Variants in GTF2IRD1 observed in about 807,000 individuals in gnomAD.
GTF2IRD1 encodes the protein GTF2I repeat domain containing 1, also known as general transcription factor II-I repeat domain-containing protein 1.
Under a neutral mutation model 113.2 loss-of-function variants are expected in GTF2IRD1, and 26 were observed. The observed-to-expected ratio is 0.23, with a 90% CI of 0.17 to 0.32. The LOEUF is 0.32. Among genes scored for constraint, GTF2IRD1 ranks in the 10% least tolerant of loss-of-function variants. The pLI is 1.00. For synonymous variants in GTF2IRD1, 484 were observed against 529.1 expected (o/e 0.91, Z 1.17); for missense variants, 864 against 1,280.8 (o/e 0.67, Z 4.97).
intron 1 of GTF2IRD1, among the ~76,000 whole-genome samples, chr7:74,494,734 A>C (rs1475952491): frequency 2.0e-5 from 3 of 152,098 alleles, no homozygotes; most frequent in African/African-American, 4.8e-5. Flanking sequence ...TTTAAAAAAA[A>C]CAAAAAACCA....
At chr7:74,535,575 G>T (rs1225359974) in intron 10 of GTF2IRD1, among the ~76,000 whole-genome samples, 3 of 152,248 alleles carry the variant, frequency 2.0e-5, no homozygotes, top group African/African-American at 7.2e-5. Context: ...TGACTCCAGA[G>T]CCCATGCAGT....
At chr7:74,461,262 G>A (rs1428879097) in intron 1 of GTF2IRD1, among the ~76,000 whole-genome samples, 3 of 152,140 alleles carry the variant, frequency 2.0e-5, no homozygotes, top group Admixed American at 6.5e-5. Flanking sequence ...GGTTGGGGAG[G>A]GTAGGTAAGC....
At chr7:74,537,920 A>G (rs1403949271) in intron 11 of GTF2IRD1, among the ~76,000 whole-genome samples, 1 of 152,066 alleles carries the variant, frequency 6.6e-6, no homozygotes, top group African/African-American at 2.4e-5. Flanking sequence ...TGGCTCGGCC[A>G]CCCCTGGAGA....
intron 8 of GTF2IRD1, among the ~76,000 whole-genome samples, chr7:74,528,654 T>G (rs1353062429): frequency 1.3e-5 from 2 of 150,100 alleles, no homozygotes; most frequent in Non-Finnish European, 3.0e-5. Flanking sequence ...CAAAGTGCTA[T>G]TTGAGCAAAC....
intron 1 of GTF2IRD1, among the ~76,000 whole-genome samples, chr7:74,455,124 T>C (rs1426596040): frequency 3.3e-5 from 5 of 152,104 alleles, no homozygotes; most frequent in African/African-American, 1.2e-4. Context: ...AGGACCAAGG[T>C]CCTGCGGTGG....
At chr7:74,565,120 A>T (rs181454385) in intron 22 of GTF2IRD1, among the ~76,000 whole-genome samples, 167 of 152,200 alleles carry the variant, frequency 1.1e-3, no homozygotes, top group Non-Finnish European at 2.2e-3. Flanking sequence ...CCTGCCCGCA[A>T]GGGGCTGAGA....
At chr7:74,469,611 C>T (rs1554331843) in intron 1 of GTF2IRD1, among the ~76,000 whole-genome samples, 1 of 152,084 alleles carries the variant, frequency 6.6e-6, no homozygotes. Flanking sequence ...GTCAATGTGC[C>T]TTTCTTTTTA....
intron 22 of GTF2IRD1, among the ~76,000 whole-genome samples, chr7:74,584,188 G>T (rs1276969905): frequency 6.6e-6 from 1 of 152,028 alleles, no homozygotes; most frequent in Non-Finnish European, 1.5e-5. Context: ...GGGTACGGTG[G>T]CTCACAGCAC....
At chr7:74,563,977 G>A (rs1328574239) in intron 22 of GTF2IRD1, among the ~76,000 whole-genome samples, 4 of 152,030 alleles carry the variant, frequency 2.6e-5, no homozygotes, top group Admixed American at 6.6e-5. Flanking sequence ...GAACCACCCC[G>A]AGAAGGTAAA....
intron 1 of GTF2IRD1, among the ~76,000 whole-genome samples, chr7:74,465,726 C>A (rs1793666611): frequency 6.6e-6 from 1 of 152,074 alleles, no homozygotes; most frequent in African/African-American, 2.4e-5. Context: ...TGGGACACAC[C>A]CCCTCTGTCC....
rs782176892 is a variant in GTF2IRD1, at chr7:74,521,291, A to C, written c.1000A>C (p.Lys334Gln). The C allele has an allele frequency of 6.2e-7, 1 of 1,605,768 alleles. No individual in the cohort carries two copies. Among genetic ancestry groups the C allele is most frequent in the South Asian group, 1.1e-5 (1 of 90,894 alleles). The change falls in exon 7 of 27, where the codon AAG becomes CAG. Residue 334 changes from lysine to glutamine, a missense_variant. Physicochemically the swap from Lys to Gln is moderately conservative, Grantham distance 53. Transcript: ENST00000424337. ...CATTCTCTTCTCCATCGTCCATGAC[A>C]AGTCAGGTAGGACAGCGCCCACGAA... is the stretch of plus-strand genomic sequence containing the variant. ...KRILFSIVHD[K>Q]SEKWDAFIKE...
At chr7:74,587,551 C>T (rs1350629977) in intron 22 of GTF2IRD1, among the ~76,000 whole-genome samples, 1 of 152,144 alleles carries the variant, frequency 6.6e-6, no homozygotes, top group Non-Finnish European at 1.5e-5. Flanking sequence ...TCTAGCTCCA[C>T]CCCACAACAT....
chr7:74,479,665 C>T (rs943520595), intron 1 of GTF2IRD1, among the ~76,000 whole-genome samples: 3 of 152,080 alleles, frequency 2.0e-5, no homozygotes, highest in East Asian at 1.9e-4. Flanking sequence ...CTGCCTCACC[C>T]GCCGTCCTGG....
At chr7:74,485,671 C>T (rs572333331) in intron 1 of GTF2IRD1, among the ~76,000 whole-genome samples, 4 of 151,962 alleles carry the variant, frequency 2.6e-5, no homozygotes, top group Non-Finnish European at 2.9e-5. Context: ...CCTATAATCC[C>T]GGCACTTTGA....
At chr7:74,591,563 A>G (rs1802065575) in intron 24 of GTF2IRD1, among the ~76,000 whole-genome samples, 1 of 151,848 alleles carries the variant, frequency 6.6e-6, no homozygotes, top group Non-Finnish European at 1.5e-5. Context: ...TTTTTTTGGT[A>G]GAGATGGAGT....
chr7:74,566,876 T>C (rs1800351251), intron 22 of GTF2IRD1, among the ~76,000 whole-genome samples: 1 of 152,106 alleles, frequency 6.6e-6, no homozygotes, highest in Admixed American at 6.5e-5. Context: ...CTGAAGTGGG[T>C]TGCAGCCACG....
rs192761590 is a variant in GTF2IRD1 at position 74,581,719 on chromosome 7, T to A, written c.2321-8132T>A. Among the ~76,000 whole-genome samples the A allele has an allele frequency of 4.5e-3, 682 of 152,242 alleles. 4 individuals carry two copies. Among genetic ancestry groups the A allele is most frequent in the African/African-American group, 0.016 (655 of 41,562 alleles). ...CCCCACCTGCAGCTCTCCGAGATGC[T>A]CAGCTGGTCTGGGCACGATGGCTCA... On this transcript the variant is annotated intron_variant, in intron 22 of 26. Coordinates refer to ENST00000424337, the MANE Select transcript of GTF2IRD1 (RefSeq NM_005685.4).
At chr7:74,568,944 A>G (rs1157029551) in intron 22 of GTF2IRD1, among the ~76,000 whole-genome samples, 1 of 152,218 alleles carries the variant, frequency 6.6e-6, no homozygotes, top group Admixed American at 6.5e-5. Context: ...AGGTCAAGGT[A>G]CGTGTGGGGC....
At chr7:74,464,422 G>T (rs1332925962) in intron 1 of GTF2IRD1, among the ~76,000 whole-genome samples, 3 of 130,860 alleles carry the variant, frequency 2.3e-5, no homozygotes, top group Non-Finnish European at 3.3e-5. Context: ...GATTTGGGGG[G>T]TTTTTACTTT....
Sources: allele counts gnomAD v4.1 joint callset (sites outside exome capture counted in the v4.1 genomes callset), GRCh38; gene constraint gnomAD v4.1.1; transcripts MANE v1.5; gene names NCBI Gene and HGNC (gene_info 2026-07-23, HGNC 2026-07-21).